The following ABCA4 variants were observed in gnomAD, a reference collection of about 807,000 sequenced individuals.
ABCA4 encodes the protein ATP binding cassette subfamily A member 4, also known as retinal-specific phospholipid-transporting ATPase ABCA4.
A neutral mutation model predicts 263.7 loss-of-function variants in ABCA4; 196 were observed. The observed-to-expected ratio is 0.74, with a 90% CI of 0.66 to 0.84. ABCA4 has a LOEUF of 0.84. Ranked by LOEUF, ABCA4 falls within the 40% of genes least tolerant of loss-of-function variation. The pLI is 0.00. For missense variants in ABCA4, 2,792 were observed against 2,855.1 expected, an observed-to-expected ratio of 0.98 and a Z score of 0.50; for synonymous variants, 1,133 against 1,094.2, an observed-to-expected ratio of 1.04 and a Z score of -0.70.
At chr1:94,014,442 A>C in intron 38 of ABCA4, 101 bp downstream of exon 38, 1 of 1,356,628 alleles carries the variant, frequency 7.4e-7, no homozygotes, top group Non-Finnish European at 1.0e-6. Context: ...TCATCCGCAT[A>C]CAGCTGCTAC....
chr1:94,116,968 CTCTTTCTTTCTTTCTTTCTTTCTT>C (rs57665252), intron 1 of ABCA4, among the ~76,000 whole-genome samples: 3 of 99,940 alleles, frequency 3.0e-5, no homozygotes, highest in African/African-American at 1.2e-4. Context: ...TTCTTTCTTT[CTCTTTCTTTCTTTCTTTCTTTCTT>C]TCTTTCTTTC....
At chr1:94,011,553 G>A (rs1221000386) in intron 38 of ABCA4, among the ~76,000 whole-genome samples, 168 bp from the exon 39 acceptor site, 1 of 152,172 alleles carries the variant, frequency 6.6e-6, no homozygotes. Flanking sequence ...AGAGCATCAT[G>A]GGTTTGCAAT....
chr1:94,019,125 A>T (rs72958447), intron 36 of ABCA4, among the ~76,000 whole-genome samples: 1 of 149,370 alleles, frequency 6.7e-6, no homozygotes, highest in African/African-American at 2.5e-5. Flanking sequence ...ATTAAATTTA[A>T]CTGGGTGTCC....
intron 26 of ABCA4, among the ~76,000 whole-genome samples, chr1:94,035,417 C>A (rs11803885): frequency 0.081 from 12,285 of 152,162 alleles, 658 homozygotes; most frequent in Middle Eastern, 0.22. Flanking sequence ...TGTGCCAGGA[C>A]GACTACATCT....
At chr1:94,102,378 C>T (rs1662307083) in intron 5 of ABCA4, among the ~76,000 whole-genome samples, 1 of 151,912 alleles carries the variant, frequency 6.6e-6, no homozygotes, top group South Asian at 2.1e-4. Context: ...CAGCACTTGC[C>T]AGCACTGTGC....
In ABCA4 at chr1:94,008,229, A is replaced by G. The variant is rs137940266; in HGVS notation, c.5898+6T>C. 1.9e-6 allele frequency: 3 copies of G among 1,613,886 alleles called. No individual in the cohort carries two copies. In the African/African-American group the frequency reaches 4.0e-5, roughly 22 times the overall value. ...GCCTTTCACACGTGGTCTGCAGAGT[A>G]CCCACCTCTCCAGGGCGAACTCCGA... On this transcript the variant is annotated splice_donor_region_variant and intron_variant, in intron 42 of 49. Transcript: ENST00000370225.
chr1:94,007,852 C>T (rs1205010250), intron 42 of ABCA4, 112 bp from the exon 43 acceptor site: 5 of 934,720 alleles, frequency 5.3e-6, no homozygotes, highest in African/African-American at 1.6e-5. Flanking sequence ...ACCTGGGCTG[C>T]CATCAGAGGC....
chr1:94,015,003 C>G (rs185191576), intron 37 of ABCA4, among the ~76,000 whole-genome samples: 132 of 152,354 alleles, frequency 8.7e-4, no homozygotes, highest in African/African-American at 3.1e-3. Flanking sequence ...ACCTCCCACT[C>G]TAGCCTGGGT....
chr1:94,074,673 G>C (rs1329586045), intron 11 of ABCA4, among the ~76,000 whole-genome samples: 1 of 152,154 alleles, frequency 6.6e-6, no homozygotes, highest in African/African-American at 2.4e-5. Context: ...AAAATGTCAA[G>C]AAACAATAGA....
intron 40 of ABCA4, chr1:94,010,578 A>C (rs1659516114): frequency 2.9e-6 from 2 of 684,394 alleles, no homozygotes; most frequent in Admixed American, 4.3e-5. Context: ...AATTAATAGC[A>C]CTGCATTTTA....
At chr1:94,042,431 T>A (rs565053730) in intron 22 of ABCA4, among the ~76,000 whole-genome samples, 4 of 152,306 alleles carry the variant, frequency 2.6e-5, no homozygotes, top group Admixed American at 6.5e-5. Flanking sequence ...CTTCTAGGTA[T>A]GTTTGCAGGT....
chr1:93,998,590 G>GA (rs1182581959), intron 47 of ABCA4, among the ~76,000 whole-genome samples: 2 of 152,116 alleles, frequency 1.3e-5, no homozygotes, highest in African/African-American at 4.8e-5. Context: ...AACTAGGAGA[G>GA]AAAAACCATG....
At position 94,079,465 on chromosome 1, in the gene ABCA4, C is replaced by A; in HGVS notation, c.1100-4G>T. On this transcript the variant is annotated splice_region_variant and splice_polypyrimidine_tract_variant and intron_variant, in intron 8 of 49. Coordinates refer to ENST00000370225, the MANE Select transcript of ABCA4 (RefSeq NM_000350.3). ...ATCAATGCATTACAAAAGGATGCTG[C>A]CAGGAGACAAGGGACAGATTTTACA... 6.2e-7 allele frequency: 1 copy of A among 1,614,180 alleles called. No homozygotes were observed. Among genetic ancestry groups the A allele is most frequent in the East Asian group, 2.2e-5 (1 of 44,884 alleles).
At chr1:94,116,954 TC>T (rs1288459626) in intron 1 of ABCA4, among the ~76,000 whole-genome samples, 1 of 136,152 alleles carries the variant, frequency 7.3e-6, no homozygotes, top group Non-Finnish European at 1.6e-5. Flanking sequence ...CCTCCCTCCC[TC>T]CTTTCTTTCT....
chr1:94,025,708 G>A (rs956782076), intron 30 of ABCA4: 1 of 162,114 alleles, frequency 6.2e-6, no homozygotes, highest in African/African-American at 2.4e-5. Flanking sequence ...AAATGTTCCT[G>A]GTTCCAGTCA....
At chr1:94,073,008 C>A (rs1483935496) in intron 11 of ABCA4, among the ~76,000 whole-genome samples, 2 of 152,148 alleles carry the variant, frequency 1.3e-5, no homozygotes, top group African/African-American at 2.4e-5. Context: ...CTGCTCAGAA[C>A]CCCCAGGCAG....
At position 94,111,465 on chromosome 1, in the gene ABCA4, C is replaced by T. The variant is rs1156558540; in HGVS notation, c.275G>A (p.Gly92Glu). 4 of 1,613,970 alleles carry T rather than the reference C, an allele frequency of 2.5e-6. No individual in the cohort carries two copies. Among genetic ancestry groups the T allele is most frequent in the Non-Finnish European group, 8.5e-7 (1 of 1,180,002 alleles). ...FQSPTPGESP[G>E]IVSNYNNSIL... ...GGAGTTGTTATAGTTTGACACAATT[C>T]CAGGAGATTCTCCTGGGGTGGGGCT... Residue 92 changes from glycine to glutamate, a missense_variant, in exon 3 of 50, where the codon GGA becomes GAA. Physicochemically the swap from Gly to Glu is moderately conservative, Grantham distance 98. Transcript: ENST00000370225.
chr1:94,050,521 C>A (rs986375764), intron 17 of ABCA4, among the ~76,000 whole-genome samples: 5 of 152,188 alleles, frequency 3.3e-5, no homozygotes, highest in Non-Finnish European at 5.9e-5. Flanking sequence ...CGTTGGCAAA[C>A]ATATTTGTGA....
At chr1:94,042,225 T>A (rs1660510836) in intron 22 of ABCA4, among the ~76,000 whole-genome samples, 1 of 152,162 alleles carries the variant, frequency 6.6e-6, no homozygotes, top group South Asian at 2.1e-4. Flanking sequence ...AAGCTCTGGC[T>A]TGACCACGGG....
Sources: gnomAD v4.1 joint callset for allele counts (sites outside exome capture counted in the v4.1 genomes callset) on GRCh38, gnomAD v4.1.1 for gene constraint, MANE v1.5 for transcripts, NCBI Gene and HGNC (gene_info 2026-07-23, HGNC 2026-07-21) for gene names.